Variants in KCNB2 observed in about 807,000 individuals in gnomAD.
The protein encoded by KCNB2 is potassium voltage-gated channel subfamily B member 2.
Under a neutral mutation model 61.5 loss-of-function variants are expected in KCNB2, and 15 were observed. The observed-to-expected ratio is 0.24, with a 90% CI of 0.16 to 0.38. The LOEUF (loss-of-function observed/expected upper bound fraction) is 0.38, where lower values mean the gene tolerates loss of function less well. Among genes scored for constraint, KCNB2 ranks in the 10% least tolerant of loss-of-function variants. KCNB2 has a pLI of 1.00. For synonymous variants in KCNB2, 457 were observed against 446.0 expected, an observed-to-expected ratio of 1.02 and a Z score of -0.31; for missense variants, 828 against 1,125.2, an observed-to-expected ratio of 0.74 and a Z score of 3.78.
chr8:72,930,586 A>G (rs1424363247), intron 2 of KCNB2, among the ~76,000 whole-genome samples: 22 of 152,186 alleles, frequency 1.4e-4, no homozygotes, highest in Admixed American at 6.5e-5. Context: ...TTGGCTGCAT[A>G]AATGTCTTCT....
chr8:72,773,572 T>C lies in KCNB2; in HGVS notation c.580-162363T>C, dbSNP rs180921297. On this transcript the variant is annotated intron_variant, in intron 2 of 2. Coordinates refer to ENST00000523207, the MANE Select transcript of KCNB2 (RefSeq NM_004770.3). ...GGAGATAGTAGAGGTTTTGCTCAGA[T>C]TATTTTTGGTGTGGGATAGATTTAA... is the stretch of plus-strand genomic sequence containing the variant. 4.4e-3 allele frequency among the ~76,000 whole-genome samples: 673 copies of C among 152,328 alleles called. 5 individuals are homozygous for C. The highest frequency in any genetic ancestry group is 8.0e-3 in the Non-Finnish European group (544 of 68,020).
At position 72,583,043 on chromosome 8, in the gene KCNB2, C is replaced by CA. The variant is rs201754874; in HGVS notation, c.579+14741dup. Among the ~76,000 whole-genome samples the CA allele has an allele frequency of 6.8e-3, 997 of 146,278 alleles. 10 individuals carry two copies. The highest frequency in any genetic ancestry group is 0.022 in the African/African-American group (864 of 40,108). ...AGGGGAACTGACTTTCATTGTAATC[C>CA]AAAAAAAAAAATTTTTGGAAACTCC... On this transcript the variant is annotated intron_variant, in intron 2 of 2. Coordinates refer to ENST00000523207, the MANE Select transcript of KCNB2 (RefSeq NM_004770.3).
intron 2 of KCNB2, among the ~76,000 whole-genome samples, chr8:72,725,196 T>G (rs1307267892): frequency 7.2e-5 from 11 of 152,086 alleles, no homozygotes; most frequent in Non-Finnish European, 1.6e-4. Flanking sequence ...ATTTTGAAAT[T>G]TTCATATCTT....
At chr8:72,714,851 A>T (rs2128992168) in intron 2 of KCNB2, among the ~76,000 whole-genome samples, 1 of 152,338 alleles carries the variant, frequency 6.6e-6, no homozygotes, top group African/African-American at 2.4e-5. Flanking sequence ...CTCCAATTAA[A>T]AGGCACAGAC....
At chr8:72,881,916 A>G (rs888007873) in intron 2 of KCNB2, among the ~76,000 whole-genome samples, 3 of 152,236 alleles carry the variant, frequency 2.0e-5, no homozygotes, top group Non-Finnish European at 2.9e-5. Context: ...CTGAAAGGCC[A>G]TTAAATTTTT....
intron 2 of KCNB2, among the ~76,000 whole-genome samples, chr8:72,715,079 G>A (rs2128992195): frequency 6.6e-6 from 1 of 152,232 alleles, no homozygotes; most frequent in South Asian, 2.1e-4. Context: ...ATTACATAAT[G>A]GTAAAGGGAT....
intron 2 of KCNB2, among the ~76,000 whole-genome samples, chr8:72,720,179 C>G (rs1235334191): frequency 6.6e-6 from 1 of 152,114 alleles, no homozygotes; most frequent in East Asian, 1.9e-4. Context: ...GACTAAGTCC[C>G]GATCTCTCAA....
In KCNB2 at chr8:72,676,240, GA is replaced by G. The variant is rs1197500567; in HGVS notation, c.579+107931del. On this transcript the variant is annotated intron_variant, in intron 2 of 2. Transcript: ENST00000523207. The stretch of plus-strand genomic sequence containing the variant: ...TGGAATTGCTAAACATGAAGAACTT[GA>G]AAACAGTTCATTTAAATCAGAAAGT... 4.0e-4 allele frequency among the ~76,000 whole-genome samples: 61 copies of G among 152,180 alleles called. 1 individual carries two copies. The highest frequency in any genetic ancestry group is 1.4e-3 in the African/African-American group (58 of 41,552).
intron 2 of KCNB2, among the ~76,000 whole-genome samples, chr8:72,667,006 T>TGTGAGAGA (rs141712140): frequency 0.025 from 3,686 of 147,872 alleles, 161 homozygotes; most frequent in African/African-American, 0.088. Flanking sequence ...TGTGTGTGTG[T>TGTGAGAGA]GAGAGAGAGA....
chr8:72,852,928 T>C (rs1192995992), intron 2 of KCNB2, among the ~76,000 whole-genome samples: 1 of 152,120 alleles, frequency 6.6e-6, no homozygotes, highest in Admixed American at 6.5e-5. Flanking sequence ...ATTTGGAGAG[T>C]GTTTGCACTA....
chr8:72,572,687 G>T (rs1275375057), intron 2 of KCNB2, among the ~76,000 whole-genome samples: 1 of 152,120 alleles, frequency 6.6e-6, no homozygotes, highest in Non-Finnish European at 1.5e-5. Context: ...TGATTGACTA[G>T]AGAAAGATTT....
At chr8:72,716,154 A>G (rs1420625325) in intron 2 of KCNB2, among the ~76,000 whole-genome samples, 1 of 152,206 alleles carries the variant, frequency 6.6e-6, no homozygotes, top group Admixed American at 6.5e-5. Context: ...AGGCTCTGAA[A>G]TTGAGGCAAT....
At chr8:72,676,793 G>A (rs1806660990) in intron 2 of KCNB2, among the ~76,000 whole-genome samples, 1 of 152,030 alleles carries the variant, frequency 6.6e-6, no homozygotes, top group African/African-American at 2.4e-5. Flanking sequence ...AGCAATCACA[G>A]GAGAACTTCC....
intron 2 of KCNB2, among the ~76,000 whole-genome samples, chr8:72,726,305 T>C (rs1442851831): frequency 6.6e-6 from 1 of 152,200 alleles, no homozygotes; most frequent in Non-Finnish European, 1.5e-5. Context: ...GGCACCTTGA[T>C]CTCAGATTTC....
At chr8:72,826,141 T>C (rs1429836962) in intron 2 of KCNB2, among the ~76,000 whole-genome samples, 3 of 152,232 alleles carry the variant, frequency 2.0e-5, no homozygotes, top group East Asian at 1.9e-4. Context: ...TGGATTTTCA[T>C]TGGAAATCTC....
intron 2 of KCNB2, among the ~76,000 whole-genome samples, chr8:72,626,225 G>A (rs930030767): frequency 3.9e-5 from 6 of 152,088 alleles, no homozygotes; most frequent in Non-Finnish European, 8.8e-5. Flanking sequence ...CCAGGTACAC[G>A]GGCCACAGAA....
Position 72,646,752 on chromosome 8 carries a change from T to C in KCNB2, c.579+78439T>C, listed in dbSNP as rs539751940. On this transcript the variant is annotated intron_variant, in intron 2 of 2. Transcript: ENST00000523207. ...GCAGTGGACATAGGGAGTTAGTGCT[T>C]AGTGAGTATGAGGTGTTTGAGAAAT... Among the ~76,000 whole-genome samples the C allele has an allele frequency of 2.0e-5, 3 of 152,218 alleles. No individual in the cohort carries two copies. In the South Asian group the frequency reaches 6.2e-4, roughly 32 times the overall value.
At chr8:72,648,328 G>A (rs1196683067) in intron 2 of KCNB2, among the ~76,000 whole-genome samples, 2 of 152,186 alleles carry the variant, frequency 1.3e-5, no homozygotes, top group Non-Finnish European at 2.9e-5. Flanking sequence ...TTTGTCTATG[G>A]TTGACTGTGT....
intron 2 of KCNB2, among the ~76,000 whole-genome samples, chr8:72,611,791 A>G (rs1006833263): frequency 6.6e-6 from 1 of 152,178 alleles, no homozygotes; most frequent in African/African-American, 2.4e-5. Context: ...GGCTCACTCC[A>G]GTTTGGCTTA....
Sources: allele counts gnomAD v4.1 joint callset (sites outside exome capture counted in the v4.1 genomes callset), GRCh38; gene constraint gnomAD v4.1.1; transcripts MANE v1.5; gene names NCBI Gene and HGNC (gene_info 2026-07-23, HGNC 2026-07-21).